Variants in PKNOX2 observed in about 807,000 individuals in gnomAD.
The protein encoded by PKNOX2 is homeobox protein PKNOX2.
A neutral mutation model predicts 53.1 loss-of-function variants in PKNOX2; 14 were observed. The ratio of observed to expected loss-of-function variants is 0.26; its 90% confidence interval spans 0.17 to 0.41. The LOEUF (loss-of-function observed/expected upper bound fraction) is 0.41, where lower values mean the gene tolerates loss of function less well. Ranked by LOEUF, PKNOX2 falls within the 10% of genes least tolerant of loss-of-function variation. The probability of loss-of-function intolerance (pLI) is 1.00; values close to 1 mark genes in which losing one functional copy is unlikely to be tolerated. For missense variants in PKNOX2, 496 were observed against 602.8 expected (o/e 0.82, Z 1.85); for synonymous variants, 257 against 242.8 (o/e 1.06, Z -0.54).
At chr11:125,313,706 G>C (rs528237807) in intron 2 of PKNOX2, among the ~76,000 whole-genome samples, 1 of 152,096 alleles carries the variant, frequency 6.6e-6, no homozygotes, top group African/African-American at 2.4e-5. Flanking sequence ...ACTGTCTAAC[G>C]TGGCAGCTGG....
At chr11:125,305,276 GGTCACAC>G (rs926358691) in intron 2 of PKNOX2, among the ~76,000 whole-genome samples, 1 of 152,188 alleles carries the variant, frequency 6.6e-6, no homozygotes, top group African/African-American at 2.4e-5. Flanking sequence ...ATGTGTGTAA[GGTCACAC>G]AGCCAGGCAA....
intron 2 of PKNOX2, among the ~76,000 whole-genome samples, chr11:125,285,448 G>A (rs1441782638): frequency 2.6e-5 from 4 of 152,222 alleles, no homozygotes; most frequent in East Asian, 3.9e-4. Flanking sequence ...ATCTAATATC[G>A]GGCTATACAT....
intron 4 of PKNOX2, among the ~76,000 whole-genome samples, chr11:125,366,730 A>C (rs564278580): frequency 6.6e-6 from 1 of 152,376 alleles, no homozygotes; most frequent in East Asian, 1.9e-4. Context: ...GTATTCACAG[A>C]CATATAACAC....
intron 2 of PKNOX2, chr11:125,287,779 T>C (rs1192000791): frequency 1.3e-5 from 2 of 152,298 alleles, no homozygotes; most frequent in Non-Finnish European, 2.9e-5. Context: ...TCACGCTTTG[T>C]GACAGACTGC....
chr11:125,381,658 T>A (rs1953236811), intron 5 of PKNOX2, among the ~76,000 whole-genome samples: 1 of 151,990 alleles, frequency 6.6e-6, no homozygotes, highest in Non-Finnish European at 1.5e-5. Flanking sequence ...TCCCACCCCA[T>A]CCCTGCAAGC....
At chr11:125,367,646 A>C (rs879435840) in intron 4 of PKNOX2, among the ~76,000 whole-genome samples, 200 bp from the exon 5 acceptor site, 17 of 152,146 alleles carry the variant, frequency 1.1e-4, no homozygotes, top group Non-Finnish European at 1.3e-4. Context: ...TGTTTTCTAG[A>C]ACATGCTCAT....
At chr11:125,398,688 C>T (rs752888128) in intron 7 of PKNOX2, among the ~76,000 whole-genome samples, 119 of 128,960 alleles carry the variant, frequency 9.2e-4, no homozygotes, top group African/African-American at 1.5e-3. Context: ...GCTGACTACA[C>T]GCTTTGGGCA....
At chr11:125,400,251 T>C (rs569581898) in intron 7 of PKNOX2, among the ~76,000 whole-genome samples, 2 of 152,184 alleles carry the variant, frequency 1.3e-5, no homozygotes, top group African/African-American at 4.8e-5. Flanking sequence ...CTCAAACTTG[T>C]CCCTGCATTT....
At chr11:125,203,771 A>G (rs6590135) in intron 1 of PKNOX2, among the ~76,000 whole-genome samples, 31,671 of 152,078 alleles carry the variant, frequency 0.21, 3,421 homozygotes, top group African/African-American at 0.27. Context: ...TCAGCAAACG[A>G]TTCACTTTAA....
intron 10 of PKNOX2, among the ~76,000 whole-genome samples, chr11:125,428,769 C>T (rs1267678877): frequency 6.6e-6 from 1 of 152,192 alleles, no homozygotes; most frequent in East Asian, 1.9e-4. Context: ...CCCTGGCTCC[C>T]CATTGTGGGG....
At chr11:125,215,577 C>T (rs148184827) in intron 1 of PKNOX2, among the ~76,000 whole-genome samples, 3,386 of 152,054 alleles carry the variant, frequency 0.022, 105 homozygotes, top group East Asian at 0.11. Flanking sequence ...CACGGCGAAA[C>T]CCCATCTCTA....
Position 125,177,675 on chromosome 11 carries a change from C to T in PKNOX2, c.-201+12899C>T, listed in dbSNP as rs547703092. Among the ~76,000 whole-genome samples, 132 of 152,288 alleles carry T rather than the reference C, an allele frequency of 8.7e-4. 1 individual carries two copies. Among genetic ancestry groups the T allele is most frequent in the African/African-American group, 3.0e-3 (126 of 41,546 alleles). Reference sequence around the variant, plus strand: ...TTTCCCGTCACTTCCGTCTCTCTCCCCACAGTGCTGCATGGGACCCAGATA... The same window carrying T: ...TTTCCCGTCACTTCCGTCTCTCTCCTCACAGTGCTGCATGGGACCCAGATA... On this transcript the variant is annotated intron_variant, in intron 1 of 12. Coordinates refer to ENST00000298282, the MANE Select transcript of PKNOX2 (RefSeq NM_001382323.2).
chr11:125,228,035 A>G (rs999694660), intron 1 of PKNOX2, among the ~76,000 whole-genome samples: 1 of 146,712 alleles, frequency 6.8e-6, no homozygotes, highest in Non-Finnish European at 1.5e-5. Context: ...TCAGCCGTGT[A>G]TCAGTGGCAT....
chr11:125,341,708 C>T (rs539905587), intron 3 of PKNOX2, among the ~76,000 whole-genome samples: 13 of 152,346 alleles, frequency 8.5e-5, no homozygotes, highest in Admixed American at 7.8e-4. Context: ...ATGAAGGGAA[C>T]GGCATGGCTG....
chr11:125,342,501 C>G (rs1170484615), intron 3 of PKNOX2, among the ~76,000 whole-genome samples: 1 of 152,166 alleles, frequency 6.6e-6, no homozygotes, highest in African/African-American at 2.4e-5. Context: ...AGGGTGGGAG[C>G]CCGAGAGGGC....
Position 125,367,911 on chromosome 11 carries a change from T to C in PKNOX2, c.153T>C (p.Ala51=), listed in dbSNP as rs1471617582. 6.2e-7 allele frequency: 1 copy of C among 1,613,728 alleles called. No individual in the cohort carries two copies. The highest frequency in any genetic ancestry group is 8.5e-7 in the Non-Finnish European group (1 of 1,179,898). The change falls in exon 5 of 13, where the codon GCT becomes GCC. Residue 51 remains alanine (A), a synonymous_variant. Coordinates refer to ENST00000298282, the MANE Select transcript of PKNOX2 (RefSeq NM_001382323.2). The stretch of plus-strand genomic sequence containing the variant: ...TCCACATCTCTGCCCCCTCAGCTGC[T>C]GCCAGCACACCTGTGCCCAGTGCCC... ...QAVHISAPSA[A]ASTPVPSAPI... is the part of the protein sequence containing the mutation.
At chr11:125,333,595 G>A (rs1008962274) in intron 3 of PKNOX2, among the ~76,000 whole-genome samples, 11 of 147,258 alleles carry the variant, frequency 7.5e-5, no homozygotes, top group African/African-American at 1.8e-4. Context: ...CCACTGAACC[G>A]TCTTGCCAAG....
chr11:125,234,716 C>T (rs1320198133), intron 1 of PKNOX2, among the ~76,000 whole-genome samples: 1 of 150,430 alleles, frequency 6.6e-6, no homozygotes, highest in Non-Finnish European at 1.5e-5. Flanking sequence ...CCTTGGTCAG[C>T]TCAGGGCACT....
chr11:125,411,141 TC>T, intron 9 of PKNOX2: 1 of 415,420 alleles, frequency 2.4e-6, no homozygotes, highest in Non-Finnish European at 4.4e-6. Flanking sequence ...GCTGTGTCCC[TC>T]AGTGGTAGAG....
Sources: allele counts gnomAD v4.1 joint callset (sites outside exome capture counted in the v4.1 genomes callset), GRCh38; gene constraint gnomAD v4.1.1; transcripts MANE v1.5; gene names NCBI Gene and HGNC (gene_info 2026-07-23, HGNC 2026-07-21).